Variants in KCNH7 observed in about 807,000 individuals in gnomAD.
The protein encoded by KCNH7 is voltage-gated inwardly rectifying potassium channel KCNH7.
Under a neutral mutation model 120.8 loss-of-function variants are expected in KCNH7, and 49 were observed. The ratio of observed to expected loss-of-function variants is 0.41; its 90% CI spans 0.32 to 0.51. KCNH7 has a LOEUF of 0.51. Ranked by LOEUF, KCNH7 falls within the 20% of genes least tolerant of loss-of-function variation. The pLI is 0.38. For synonymous variants in KCNH7, 547 were observed against 516.1 expected (o/e 1.06, Z -0.81); for missense variants, 1,097 against 1,446.6 (o/e 0.76, Z 3.92).
At chr2:162,624,680 A>G (rs1308998857) in intron 2 of KCNH7, among the ~76,000 whole-genome samples, 2 of 152,042 alleles carry the variant, frequency 1.3e-5, no homozygotes, top group East Asian at 1.9e-4. Flanking sequence ...ATGGGCTGCT[A>G]TCATATACAT....
At chr2:162,731,253 A>C (rs1395593995) in intron 2 of KCNH7, among the ~76,000 whole-genome samples, 2 of 148,544 alleles carry the variant, frequency 1.3e-5, no homozygotes, top group East Asian at 3.9e-4. Flanking sequence ...TGTGTGTATA[A>C]TATTATATAT....
intron 8 of KCNH7, among the ~76,000 whole-genome samples, chr2:162,425,597 T>A (rs1687833313): frequency 6.6e-6 from 1 of 152,206 alleles, no homozygotes; most frequent in South Asian, 2.1e-4. Context: ...TTACGTGTGA[T>A]GCTATGTTTC....
At chr2:162,761,890 A>G (rs1177210464) in intron 2 of KCNH7, among the ~76,000 whole-genome samples, 1 of 152,086 alleles carries the variant, frequency 6.6e-6, no homozygotes, top group Non-Finnish European at 1.5e-5. Flanking sequence ...ACTGTTAAAC[A>G]TTCCTTTAAT....
intron 2 of KCNH7, among the ~76,000 whole-genome samples, chr2:162,785,497 C>G (rs1357188247): frequency 1.3e-5 from 2 of 151,992 alleles, no homozygotes; most frequent in Non-Finnish European, 2.9e-5. Context: ...ATTTCACTGA[C>G]TTTACTTTTT....
At chr2:162,601,538 AC>A (rs1473002950) in intron 2 of KCNH7, among the ~76,000 whole-genome samples, 1 of 150,306 alleles carries the variant, frequency 6.7e-6, no homozygotes, top group African/African-American at 2.4e-5. Flanking sequence ...ATGTTCCCTA[AC>A]AAACTATAAA....
intron 2 of KCNH7, among the ~76,000 whole-genome samples, chr2:162,639,139 C>G (rs569027054): frequency 3.0e-4 from 45 of 152,240 alleles, no homozygotes; most frequent in South Asian, 8.3e-4. Flanking sequence ...AAAGATCACT[C>G]TTTTCATCCC....
At chr2:162,551,731 A>G (rs531684109) in intron 2 of KCNH7, among the ~76,000 whole-genome samples, 1 of 152,306 alleles carries the variant, frequency 6.6e-6, no homozygotes, top group East Asian at 1.9e-4. Flanking sequence ...CCCATAATCA[A>G]TACTTAAAGT....
chr2:162,734,175 G>T (rs1350966813), intron 2 of KCNH7, among the ~76,000 whole-genome samples: 2 of 151,640 alleles, frequency 1.3e-5, no homozygotes, highest in Non-Finnish European at 2.9e-5. Context: ...TAGCATTTTT[G>T]AGTAGAAATA....
intron 2 of KCNH7, among the ~76,000 whole-genome samples, chr2:162,574,125 T>G (rs954751298): frequency 2.0e-5 from 3 of 152,120 alleles, no homozygotes; most frequent in Non-Finnish European, 4.4e-5. Context: ...AACAAATTTA[T>G]ACAACATAGG....
intron 2 of KCNH7, among the ~76,000 whole-genome samples, chr2:162,721,571 T>G (rs916303054): frequency 6.6e-6 from 1 of 152,122 alleles, no homozygotes; most frequent in Non-Finnish European, 1.5e-5. Flanking sequence ...TGAGAAAAAT[T>G]GTGTAATACA....
At position 162,728,553 on chromosome 2, in the gene KCNH7, C is replaced by T. The variant is rs149116170; in HGVS notation, c.307+107984G>A. Among the ~76,000 whole-genome samples, 623 of 152,136 alleles carry T rather than the reference C, an allele frequency of 4.1e-3. 7 individuals are homozygous for T. Among genetic ancestry groups the T allele is most frequent in the African/African-American group, 0.014 (598 of 41,516 alleles). ...CAGCACTTTGGGAGGCCAAGGCAGG[C>T]GGATCACCTGAGGTCAGGAGTTCGA... On this transcript the variant is annotated intron_variant, in intron 2 of 15. Coordinates refer to ENST00000332142, the MANE Select transcript of KCNH7 (RefSeq NM_033272.4).
At chr2:162,477,811 A>G (rs1296744663) in intron 6 of KCNH7, among the ~76,000 whole-genome samples, 1 of 136,438 alleles carries the variant, frequency 7.3e-6, no homozygotes, top group Non-Finnish European at 1.5e-5. Flanking sequence ...CTTCTGCCCA[A>G]ACATCTATCC....
intron 2 of KCNH7, among the ~76,000 whole-genome samples, chr2:162,648,729 C>T (rs1184021096): frequency 2.0e-5 from 3 of 152,062 alleles, no homozygotes; most frequent in Non-Finnish European, 4.4e-5. Context: ...TGTCTCTTGG[C>T]CTATAGAGTC....
intron 2 of KCNH7, among the ~76,000 whole-genome samples, chr2:162,707,502 G>A (rs1686756513): frequency 1.3e-5 from 2 of 152,122 alleles, no homozygotes; most frequent in Admixed American, 1.3e-4. Flanking sequence ...CATTTTTAAT[G>A]TCATCATTTG....
In KCNH7 at chr2:162,599,113, G is replaced by A. The variant is rs574238443; in HGVS notation, c.308-62033C>T. ...TCTACTAAAAATACAAAAATTAGCT[G>A]GAAATCACTTGAACCCAGGAAGTGG... is the stretch of plus-strand genomic sequence containing the variant. On this transcript the variant is annotated intron_variant, in intron 2 of 15. Coordinates refer to ENST00000332142, the MANE Select transcript of KCNH7 (RefSeq NM_033272.4). Among the ~76,000 whole-genome samples, 251 of 151,772 alleles carry A rather than the reference G, an allele frequency of 1.7e-3. 3 individuals carry two copies. The highest frequency in any genetic ancestry group is 5.8e-3 in the African/African-American group (240 of 41,402).
At chr2:162,565,368 A>T (rs1421875774) in intron 2 of KCNH7, among the ~76,000 whole-genome samples, 1 of 152,140 alleles carries the variant, frequency 6.6e-6, no homozygotes, top group Non-Finnish European at 1.5e-5. Flanking sequence ...TAAGTTAGAT[A>T]ACATAATCTA....
chr2:162,485,557 C>T (rs532200770), intron 6 of KCNH7, among the ~76,000 whole-genome samples: 1 of 152,158 alleles, frequency 6.6e-6, no homozygotes, highest in African/African-American at 2.4e-5. Context: ...TCATTCATTT[C>T]TATAGAAGGA....
At chr2:162,651,270 A>C (rs561869225) in intron 2 of KCNH7, among the ~76,000 whole-genome samples, 13 of 152,278 alleles carry the variant, frequency 8.5e-5, no homozygotes, top group Admixed American at 5.2e-4. Flanking sequence ...ACATAGGTAA[A>C]TTTGTGTCAT....
At chr2:162,520,824 C>G (rs1691497982) in intron 3 of KCNH7, among the ~76,000 whole-genome samples, 1 of 151,792 alleles carries the variant, frequency 6.6e-6, no homozygotes, top group African/African-American at 2.4e-5. Context: ...TTCCACCCTT[C>G]CCCTGTGCTC....
Sources: allele counts gnomAD v4.1 joint callset (sites outside exome capture counted in the v4.1 genomes callset), GRCh38; gene constraint gnomAD v4.1.1; transcripts MANE v1.5; gene names NCBI Gene and HGNC (gene_info 2026-07-23, HGNC 2026-07-21).